Variants in APOLD1 observed in about 807,000 individuals in gnomAD.
The protein encoded by APOLD1 is apolipoprotein L domain containing 1.
APOLD1 carries 22 observed loss-of-function variants against 15.3 expected under a neutral mutation model. The ratio of observed to expected loss-of-function variants is 1.44; its 90% CI spans 1.03 to 2.05. The LOEUF (loss-of-function observed/expected upper bound fraction) is 2.05, where lower values mean the gene tolerates loss of function less well. Ranked by LOEUF, APOLD1 falls within the 30% of genes most tolerant of loss-of-function variation. APOLD1 has a pLI of 0.00. For missense variants in APOLD1, 394 were observed against 353.5 expected (o/e 1.11, Z -0.92); for synonymous variants, 190 against 167.4 (o/e 1.13, Z -1.04).
intron 1 of APOLD1, among the ~76,000 whole-genome samples, chr12:12,743,656 A>G (rs956967088): frequency 6.6e-6 from 1 of 152,186 alleles, no homozygotes; most frequent in Non-Finnish European, 1.5e-5. Flanking sequence ...GGTATGTTAT[A>G]TGGCAAAGGG....
chr12:12,785,977 G>A (rs965237783), intron 1 of APOLD1, among the ~76,000 whole-genome samples: 1 of 152,110 alleles, frequency 6.6e-6, no homozygotes, highest in African/African-American at 2.4e-5. Context: ...CTTTTAAGAA[G>A]TTCCTAATAA....
chr12:12,764,196 C>T (rs1051398205), intron 1 of APOLD1, among the ~76,000 whole-genome samples: 1 of 152,200 alleles, frequency 6.6e-6, no homozygotes, highest in Admixed American at 6.5e-5. Context: ...CTCCTGGCCT[C>T]AGGTGATCCA....
In APOLD1 at chr12:12,789,215, C is replaced by T. The variant is rs1947161761; in HGVS notation, c.*1563C>T. ...TTCTAAATGGGAGACTGCTGAGGCT[C>T]TTTGCAAGAGATGAGATTAAGTTTG... On this transcript the variant is annotated 3_prime_UTR_variant, in exon 2 of 2. Coordinates refer to ENST00000356591, the MANE Select transcript of APOLD1 (RefSeq NM_030817.3). The T allele has an allele frequency of 6.6e-6, 1 of 152,218 alleles. No individual in the cohort carries two copies. Among genetic ancestry groups the T allele is most frequent in the Non-Finnish European group, 1.5e-5 (1 of 68,034 alleles). The allele number at this position is 152,218 out of a possible 1,614,324, so 9.4% of individuals were successfully genotyped here.
chr12:12,774,532 C>T (rs142594087), intron 1 of APOLD1, among the ~76,000 whole-genome samples: 1,449 of 106,702 alleles, frequency 0.014, 36 homozygotes, highest in African/African-American at 0.05. Context: ...GGTGACACAG[C>T]GAGACTCTAA....
chr12:12,783,263 T>G (rs1481167286), upstream of APOLD1, among the ~76,000 whole-genome samples: 2 of 152,112 alleles, frequency 1.3e-5, no homozygotes, highest in Non-Finnish European at 2.9e-5. Context: ...TAAGTTCAAG[T>G]GTCAGTTCTT....
At chr12:12,739,489 G>T (rs1946714466) in intron 1 of APOLD1, among the ~76,000 whole-genome samples, 1 of 152,164 alleles carries the variant, frequency 6.6e-6, no homozygotes. Context: ...CATTTGAAAT[G>T]TATCCTTTAC....
At chr12:12,752,497 T>C (rs1946819575) in intron 1 of APOLD1, among the ~76,000 whole-genome samples, 1 of 152,216 alleles carries the variant, frequency 6.6e-6, no homozygotes, top group South Asian at 2.1e-4. Flanking sequence ...CTTCTTGGAC[T>C]TATCTCTTTG....
rs144139766 is a variant in APOLD1 at position 12,757,937 on chromosome 12, C to CTTT, written c.97-28953_97-28951dup. Among the ~76,000 whole-genome samples, 32 of 121,392 alleles carry CTTT rather than the reference C, an allele frequency of 2.6e-4. 1 individual carries two copies. The highest frequency in any genetic ancestry group is 6.3e-4 in the African/African-American group (20 of 31,748). 79.6% of individuals were successfully genotyped at this position (121,392 alleles called of 152,430 possible). A position where few individuals can be genotyped will look rare whatever the true frequency, so the allele number is the denominator to read the frequency against. ...GCAACTAAAGCAACTAATTCAATATCTTTTTTTTTTTTTTTTTTTTTGAGA... is the reference window on the plus strand; with the variant it reads ...GCAACTAAAGCAACTAATTCAATATCTTTTTTTTTTTTTTTTTTTTTTTTGAGA... On this transcript the variant is annotated intron_variant, in intron 1 of 1. Coordinates refer to the APOLD1 transcript ENST00000326765.
rs183518449 is a variant in APOLD1, at chr12:12,771,596, G to A, written c.97-15313G>A. ...AACTTATGATGGAGGAAATGGCATC[G>A]AGGCCTGTGTCCTGTTCTTTGATAA... On this transcript the variant is annotated intron_variant, in intron 1 of 1. Coordinates refer to the APOLD1 transcript ENST00000326765. 108 of 516,654 alleles carry A rather than the reference G, an allele frequency of 2.1e-4. 1 individual carries two copies. Among genetic ancestry groups the A allele is most frequent in the African/African-American group, 1.9e-3 (98 of 51,398 alleles). 32.0% of individuals were successfully genotyped at this position (516,654 alleles called of 1,614,324 possible). A position where few individuals can be genotyped will look rare whatever the true frequency, so the allele number is the denominator to read the frequency against.
intron 1 of APOLD1, among the ~76,000 whole-genome samples, chr12:12,772,543 A>G (rs1434949145): frequency 1.3e-5 from 2 of 152,224 alleles, no homozygotes; most frequent in Non-Finnish European, 2.9e-5. Context: ...ATAACTGGAG[A>G]CTTCAACATC....
intron 1 of APOLD1, among the ~76,000 whole-genome samples, chr12:12,776,047 AAATT>A (rs1947031593): frequency 6.6e-6 from 1 of 151,414 alleles, no homozygotes; most frequent in Non-Finnish European, 1.5e-5. Context: ...AAACAAAACT[AAATT>A]AATAAAAGCA....
intron 1 of APOLD1, among the ~76,000 whole-genome samples, chr12:12,726,633 G>A (rs1398963893): frequency 1.3e-5 from 2 of 152,118 alleles, no homozygotes; most frequent in Admixed American, 6.5e-5. Flanking sequence ...TGTATCGGAC[G>A]AGTTTAACCA....
At chr12:12,728,521 T>C (rs1269160158) in intron 1 of APOLD1, among the ~76,000 whole-genome samples, 3 of 151,600 alleles carry the variant, frequency 2.0e-5, no homozygotes, top group Admixed American at 1.3e-4. Context: ...AAAAAAAATT[T>C]AACCAGGTGT....
At chr12:12,777,990 C>G (rs1056031897) in intron 1 of APOLD1, among the ~76,000 whole-genome samples, 3 of 146,848 alleles carry the variant, frequency 2.0e-5, no homozygotes, top group Non-Finnish European at 3.0e-5. Context: ...GTGGTGCAGT[C>G]TCGGCTCACT....
At chr12:12,754,477 T>G (rs1946840257) in intron 1 of APOLD1, among the ~76,000 whole-genome samples, 1 of 151,660 alleles carries the variant, frequency 6.6e-6, no homozygotes, top group South Asian at 2.1e-4. Context: ...AGAGACGGAG[T>G]CTTGCTCTGT....
chr12:12,738,479 G>A (rs1946707084), intron 1 of APOLD1, among the ~76,000 whole-genome samples: 1 of 152,116 alleles, frequency 6.6e-6, no homozygotes, highest in African/African-American at 2.4e-5. Context: ...TCATTGGGAT[G>A]AGAAGCATGA....
chr12:12,731,752 G>C (rs1235478420), intron 1 of APOLD1, among the ~76,000 whole-genome samples: 1 of 152,150 alleles, frequency 6.6e-6, no homozygotes. Flanking sequence ...CAGATACAAA[G>C]ACGGCCATTA....
chr12:12,736,922 C>A (rs1054338139), intron 1 of APOLD1, among the ~76,000 whole-genome samples: 7 of 152,332 alleles, frequency 4.6e-5, no homozygotes, highest in African/African-American at 1.7e-4. Flanking sequence ...TGCTCCACCC[C>A]GCTACCAGTC....
At chr12:12,782,716 T>C (rs1411654868), upstream of APOLD1, among the ~76,000 whole-genome samples, 1 of 152,070 alleles carries the variant, frequency 6.6e-6, no homozygotes, top group African/African-American at 2.4e-5. Context: ...TGAAGGCTAG[T>C]TTGAAGGCCA....
Sources: allele counts gnomAD v4.1 joint callset (sites outside exome capture counted in the v4.1 genomes callset), GRCh38; gene constraint gnomAD v4.1.1; transcripts MANE v1.5; gene names NCBI Gene and HGNC (gene_info 2026-07-23, HGNC 2026-07-21).